The following FOXP2 variants were observed in gnomAD, a reference collection of about 807,000 sequenced individuals.
FOXP2 encodes forkhead box P2, also known as forkhead box protein P2.
Under a neutral mutation model 115.8 loss-of-function variants are expected in FOXP2, and 12 were observed. The observed-to-expected ratio is 0.10, with a 90% CI of 0.07 to 0.17. The LOEUF (loss-of-function observed/expected upper bound fraction) is 0.17, where lower values mean the gene tolerates loss of function less well. FOXP2 is among the 10% of genes least tolerant of loss of function. The pLI is 1.00. For missense variants in FOXP2, 629 were observed against 843.5 expected, an observed-to-expected ratio of 0.75 and a Z score of 3.15; for synonymous variants, 328 against 297.7, an observed-to-expected ratio of 1.10 and a Z score of -1.05.
In FOXP2 at chr7:114,534,647, C is replaced by T. The variant is rs759949520; in HGVS notation, c.199C>T (p.Gln67Ter). Residue 67 changes from glutamine to a stop codon, truncating the protein, a stop_gained, in exon 3 of 17, where the codon CAG becomes TAG. Coordinates refer to ENST00000350908, the MANE Select transcript of FOXP2 (RefSeq NM_014491.4). LOFTEE classifies it high-confidence loss of function. ...ALQAARQLLL[Q>*]QQTSGLKSPK... Reference sequence around the variant, plus strand: ...CCAGGCAGCAAGACAACTTCTTTTACAGCAGCAAACAAGTGGATTGAAATC... The same window carrying T: ...CCAGGCAGCAAGACAACTTCTTTTATAGCAGCAAACAAGTGGATTGAAATC... The T allele has an allele frequency of 6.2e-7, 1 of 1,611,990 alleles. No homozygotes were observed. The highest frequency in any genetic ancestry group is 8.5e-7 in the Non-Finnish European group (1 of 1,178,534).
At chr7:114,598,480 T>A (rs1802842809) in intron 3 of FOXP2, among the ~76,000 whole-genome samples, 1 of 152,130 alleles carries the variant, frequency 6.6e-6, no homozygotes, top group Admixed American at 6.6e-5. Flanking sequence ...GGAGTTGAAG[T>A]TTCTCTAATG....
At chr7:114,170,644 G>T (rs921312526) in intron 1 of FOXP2, among the ~76,000 whole-genome samples, 15 of 152,180 alleles carry the variant, frequency 9.9e-5, no homozygotes, top group Admixed American at 9.2e-4. Flanking sequence ...AGTTTTAGTG[G>T]TCTGGAGAAA....
At chr7:114,683,524 G>C (rs1342135870) in intron 16 of FOXP2, among the ~76,000 whole-genome samples, 2 of 152,144 alleles carry the variant, frequency 1.3e-5, no homozygotes, top group African/African-American at 2.4e-5. Flanking sequence ...CCAGTTTTAG[G>C]ATTCAAAGAT....
intron 2 of FOXP2, among the ~76,000 whole-genome samples, chr7:114,408,026 T>C (rs1433130728): frequency 6.6e-6 from 1 of 152,234 alleles, no homozygotes; most frequent in Non-Finnish European, 1.5e-5. Flanking sequence ...TGTTTCACTC[T>C]ATAAAATGTA....
At chr7:114,136,703 AAAAG>A (rs907037733) in intron 1 of FOXP2, among the ~76,000 whole-genome samples, 24 of 152,014 alleles carry the variant, frequency 1.6e-4, no homozygotes, top group African/African-American at 5.8e-4. Flanking sequence ...AAGATCATTT[AAAAG>A]AAAGAAAGTA....
chr7:114,440,287 C>G (rs947366737), intron 2 of FOXP2, among the ~76,000 whole-genome samples: 15 of 152,148 alleles, frequency 9.9e-5, no homozygotes, highest in Admixed American at 3.3e-4. Context: ...TTCATAGTTA[C>G]TTAAATAATT....
At chr7:114,424,087 G>T (rs564651360) in intron 1 of FOXP2, among the ~76,000 whole-genome samples, 4 of 151,538 alleles carry the variant, frequency 2.6e-5, no homozygotes, top group South Asian at 2.1e-4. Flanking sequence ...CAAGGGCTAA[G>T]AATAAAATCC....
At chr7:114,086,780 C>CAT (rs1041472775), upstream of FOXP2, among the ~76,000 whole-genome samples, 1 of 152,238 alleles carries the variant, frequency 6.6e-6, no homozygotes, top group Non-Finnish European at 1.5e-5. Context: ...GCGAGTGTGA[C>CAT]ATGTGTCAAA....
intron 1 of FOXP2, among the ~76,000 whole-genome samples, chr7:114,124,987 C>A (rs554619931): frequency 4.1e-4 from 63 of 152,180 alleles, no homozygotes; most frequent in African/African-American, 1.4e-3. Flanking sequence ...ACTCTTCCAG[C>A]AATGCACAGC....
intron 3 of FOXP2, among the ~76,000 whole-genome samples, chr7:114,572,515 A>T (rs1047011317): frequency 3.3e-5 from 5 of 151,860 alleles, no homozygotes; most frequent in African/African-American, 7.2e-5. Context: ...TTAAAGGAAG[A>T]TAAATTTTAG....
At chr7:114,445,856 C>CATG (rs1313802360) in intron 2 of FOXP2, among the ~76,000 whole-genome samples, 2 of 152,036 alleles carry the variant, frequency 1.3e-5, no homozygotes, top group Non-Finnish European at 2.9e-5. Context: ...TAATTAAGTG[C>CATG]ATGATACTCT....
chr7:114,466,314 T>A (rs146679321), intron 2 of FOXP2, among the ~76,000 whole-genome samples: 15 of 152,258 alleles, frequency 9.9e-5, no homozygotes, highest in African/African-American at 3.6e-4. Context: ...GAGACTTCAG[T>A]CCCCAGGATT....
At chr7:114,591,758 G>T (rs542354231) in intron 3 of FOXP2, among the ~76,000 whole-genome samples, 10 of 152,158 alleles carry the variant, frequency 6.6e-5, no homozygotes, top group South Asian at 6.2e-4. Context: ...TGCTGATAAG[G>T]ATTTTTTTCC....
chr7:114,097,812 A>T (rs955855425), intron 1 of FOXP2, among the ~76,000 whole-genome samples: 3 of 152,216 alleles, frequency 2.0e-5, no homozygotes, highest in African/African-American at 7.2e-5. Context: ...GTTCTTACAG[A>T]AGAAGCTCAT....
At chr7:114,503,114 TG>T (rs1797642347) in intron 2 of FOXP2, among the ~76,000 whole-genome samples, 1 of 151,976 alleles carries the variant, frequency 6.6e-6, no homozygotes, top group South Asian at 2.1e-4. Flanking sequence ...TGCTTCTTTT[TG>T]TTTTAGTTTA....
chr7:114,431,573 T>C (rs1794114362), intron 2 of FOXP2, among the ~76,000 whole-genome samples: 2 of 151,954 alleles, frequency 1.3e-5, no homozygotes, highest in South Asian at 4.1e-4. Context: ...GTTCACATTA[T>C]TTTATATTCA....
At chr7:114,656,373 AG>A in intron 10 of FOXP2, 1 of 210,084 alleles carries the variant, frequency 4.8e-6, no homozygotes, top group Middle Eastern at 5.5e-4. Context: ...TTAACATACA[AG>A]TATGTAATGC....
chr7:114,629,602 A>G, intron 4 of FOXP2: 1 of 1,555,552 alleles, frequency 6.4e-7, no homozygotes, highest in Non-Finnish European at 8.7e-7. Context: ...GATTTTTTGG[A>G]TTCTGGATTG....
chr7:114,420,824 C>G (rs903430661), intron 1 of FOXP2, among the ~76,000 whole-genome samples: 4 of 151,518 alleles, frequency 2.6e-5, no homozygotes, highest in Non-Finnish European at 5.9e-5. Flanking sequence ...ATTAAACTAA[C>G]ATTAAAATTT....
Sources: gnomAD v4.1 joint callset for allele counts (sites outside exome capture counted in the v4.1 genomes callset) on GRCh38, gnomAD v4.1.1 for gene constraint, MANE v1.5 for transcripts, NCBI Gene and HGNC (gene_info 2026-07-23, HGNC 2026-07-21) for gene names.